Variants in PLGRKT observed in about 807,000 individuals in gnomAD.
PLGRKT encodes the protein plasminogen receptor (KT).
A neutral mutation model predicts 18.5 loss-of-function variants in PLGRKT; 22 were observed. The observed-to-expected ratio is 1.19, with a 90% CI of 0.85 to 1.70. The LOEUF (loss-of-function observed/expected upper bound fraction) is 1.70. Among genes scored for constraint, PLGRKT ranks in the 40% most tolerant of loss-of-function variants. PLGRKT has a pLI of 0.00. For synonymous variants in PLGRKT, 72 were observed against 52.8 expected (o/e 1.36, Z -1.58); for missense variants, 235 against 174.4 (o/e 1.35, Z -1.96).
chr9:5,378,404 A>G (rs1437744446), intron 3 of PLGRKT, among the ~76,000 whole-genome samples: 1 of 152,206 alleles, frequency 6.6e-6, no homozygotes, highest in East Asian at 1.9e-4. Context: ...GTCCAACAGA[A>G]ACTGTGATAA....
At chr9:5,407,054 G>C (rs1461074218) in intron 3 of PLGRKT, among the ~76,000 whole-genome samples, 1 of 152,050 alleles carries the variant, frequency 6.6e-6, no homozygotes, top group African/African-American at 2.4e-5. Context: ...TTAAAACTTT[G>C]AGGTCTTCAT....
At chr9:5,359,730 A>T (rs1034687089) in intron 5 of PLGRKT, among the ~76,000 whole-genome samples, 1 of 152,236 alleles carries the variant, frequency 6.6e-6, no homozygotes, top group Non-Finnish European at 1.5e-5. Flanking sequence ...GGAAATTCCC[A>T]CAAAAATTTC....
intron 3 of PLGRKT, among the ~76,000 whole-genome samples, chr9:5,386,994 T>C (rs1285852533): frequency 6.6e-6 from 1 of 151,666 alleles, no homozygotes; most frequent in East Asian, 1.9e-4. Context: ...GAAGACAAGG[T>C]TGGATGGGTG....
At chr9:5,415,496 A>G (rs1026214180) in intron 3 of PLGRKT, among the ~76,000 whole-genome samples, 1 of 152,210 alleles carries the variant, frequency 6.6e-6, no homozygotes, top group Admixed American at 6.5e-5. Context: ...AAGAAGAAGC[A>G]GAATATTAAC....
chr9:5,413,263 T>C (rs1051165539), intron 3 of PLGRKT, among the ~76,000 whole-genome samples: 5 of 152,216 alleles, frequency 3.3e-5, no homozygotes, highest in African/African-American at 9.6e-5. Flanking sequence ...AAGTTATTCA[T>C]TGAAGCACTG....
intron 3 of PLGRKT, among the ~76,000 whole-genome samples, chr9:5,413,488 A>G (rs538973921): frequency 1.4e-4 from 22 of 152,326 alleles, no homozygotes; most frequent in African/African-American, 4.8e-4. Context: ...CAAGGGTCCT[A>G]AAAGTGAAAG....
intron 3 of PLGRKT, among the ~76,000 whole-genome samples, chr9:5,428,405 G>A (rs1184268969): frequency 6.6e-6 from 1 of 152,138 alleles, no homozygotes; most frequent in Non-Finnish European, 1.5e-5. Flanking sequence ...AGTCTACTTG[G>A]TCTCAGGGAA....
At chr9:5,432,650 A>G (rs7023253) in intron 2 of PLGRKT, among the ~76,000 whole-genome samples, 98,826 of 151,826 alleles carry the variant, frequency 0.65, 32,366 homozygotes, top group East Asian at 0.7. Context: ...GGCACGCGCC[A>G]CCACTCCTGA....
intron 2 of PLGRKT, among the ~76,000 whole-genome samples, chr9:5,435,541 T>G (rs2131185970): frequency 6.6e-6 from 1 of 152,282 alleles, no homozygotes; most frequent in Non-Finnish European, 1.5e-5. Flanking sequence ...TACAGATACT[T>G]GAATGTCCTG....
rs112892565 is a variant in PLGRKT, at chr9:5,414,313, C to A, written c.81+17584G>T. ...TCCCAAGTAGCTGGTATTACAGGCA[C>A]CTGCCACCACACCCAGCTAATTTTT... On this transcript the variant is annotated intron_variant, in intron 3 of 5. Coordinates refer to ENST00000223864, the MANE Select transcript of PLGRKT (RefSeq NM_018465.4). 9.5e-3 allele frequency among the ~76,000 whole-genome samples: 1,448 copies of A among 152,234 alleles called. 21 individuals are homozygous for A. Among genetic ancestry groups the A allele is most frequent in the African/African-American group, 0.033 (1,360 of 41,540 alleles).
At chr9:5,361,982 A>C in intron 3 of PLGRKT, 94 bp from the exon 4 acceptor site, 1 of 1,204,554 alleles carries the variant, frequency 8.3e-7, no homozygotes. Flanking sequence ...TCATTCTTCA[A>C]TTGCTTTAAT....
chr9:5,420,200 G>A (rs538293395), intron 3 of PLGRKT, among the ~76,000 whole-genome samples: 1 of 152,240 alleles, frequency 6.6e-6, no homozygotes, highest in African/African-American at 2.4e-5. Context: ...AAGCAGATGA[G>A]TGGTTGCAGA....
intron 3 of PLGRKT, among the ~76,000 whole-genome samples, chr9:5,403,317 G>A (rs1386767171): frequency 2.0e-5 from 3 of 148,916 alleles, no homozygotes; most frequent in African/African-American, 5.1e-5. Context: ...TCTGCCTCCC[G>A]GGTTCAAGTG....
At chr9:5,367,492 G>A (rs1407165679) in intron 3 of PLGRKT, among the ~76,000 whole-genome samples, 1 of 152,076 alleles carries the variant, frequency 6.6e-6, no homozygotes, top group Non-Finnish European at 1.5e-5. Flanking sequence ...AACAGGGAAA[G>A]GATTCCCTAT....
At chr9:5,424,689 T>TATATATATATATACATATACAC (rs1563790070) in intron 3 of PLGRKT, among the ~76,000 whole-genome samples, 1 of 70,866 alleles carries the variant, frequency 1.4e-5, no homozygotes, top group African/African-American at 5.9e-5. Context: ...TATATATATA[T>TATATATATATATACATATACAC]ATACACACAG....
At chr9:5,390,774 C>A (rs1586720262) in intron 3 of PLGRKT, among the ~76,000 whole-genome samples, 2 of 151,782 alleles carry the variant, frequency 1.3e-5, no homozygotes, top group South Asian at 4.1e-4. Context: ...CCAGGTGTAG[C>A]CAACAAAGAA....
chr9:5,373,865 A>G (rs1263376239), intron 3 of PLGRKT, among the ~76,000 whole-genome samples: 2 of 152,190 alleles, frequency 1.3e-5, no homozygotes, highest in African/African-American at 4.8e-5. Flanking sequence ...CTAAAAGGGC[A>G]AGTCTTGCTC....
At chr9:5,397,500 T>A (rs762463851) in intron 3 of PLGRKT, among the ~76,000 whole-genome samples, 4 of 149,816 alleles carry the variant, frequency 2.7e-5, no homozygotes, top group Non-Finnish European at 4.4e-5. Context: ...TAGGTGTTCA[T>A]CAAATATTTG....
In PLGRKT at chr9:5,418,492, CT is replaced by C; in HGVS notation, c.81+13404del. The C allele has an allele frequency of 1.8e-6, 2 of 1,111,668 alleles. No individual in the cohort carries two copies. Among genetic ancestry groups the C allele is most frequent in the Non-Finnish European group, 2.7e-6 (2 of 729,046 alleles). The allele number at this position is 1,111,668 out of a possible 1,614,324, so 68.9% of individuals were successfully genotyped here. A position where few individuals can be genotyped will look rare whatever the true frequency, so the allele number is the denominator to read the frequency against. ...AGTGCACACCCTCAACCACATGGAG[CT>C]TTTCACCATGCCCCGCCTGTCCTGC... On this transcript the variant is annotated intron_variant, in intron 3 of 5. Coordinates refer to ENST00000223864, the MANE Select transcript of PLGRKT (RefSeq NM_018465.4). The surrounding 1 kb of genome is among the most constrained non-coding windows in gnomAD (Gnocchi z 4.2).
Sources: gnomAD v4.1 joint callset for allele counts (sites outside exome capture counted in the v4.1 genomes callset) on GRCh38, gnomAD v4.1.1 for gene constraint, Gnocchi (gnomAD v3.1) non-coding constraint, MANE v1.5 for transcripts, NCBI Gene and HGNC (gene_info 2026-07-23, HGNC 2026-07-21) for gene names.